DCPS: variants seen among roughly 807,000 people sequenced by gnomAD.
The protein encoded by DCPS is decapping enzyme, scavenger.
DCPS carries 27 observed loss-of-function variants against 34.7 expected under a neutral mutation model. That is an observed-to-expected ratio of 0.78 (90% confidence interval 0.57 to 1.07). DCPS has a LOEUF of 1.07. Ranked by LOEUF, DCPS falls within the 50% of genes least tolerant of loss-of-function variation. The pLI, the probability that DCPS is intolerant of heterozygous loss-of-function variation, is 0.00. For synonymous variants in DCPS, 185 were observed against 185.7 expected (o/e 1.00, Z 0.03); for missense variants, 464 against 436.9 (o/e 1.06, Z -0.55).
chr11:126,338,139 C>T lies in DCPS; in HGVS notation c.523-147C>T. On this transcript the variant is annotated intron_variant, in intron 3 of 5. Transcript: ENST00000263579. This position sits in a 1 kb window ranked among gnomAD's most constrained non-coding sequence, Gnocchi z 5.4. ...AACAGATGCTTGGGGACAGGGCAGC[C>T]CGGATGTAGATCCTCTGAGCGTGGC... 1 of 694,720 alleles carries T rather than the reference C, an allele frequency of 1.4e-6. No homozygotes were observed. The highest frequency in any genetic ancestry group is 1.8e-5 in the South Asian group (1 of 56,108). The allele number at this position is 694,720 out of a possible 1,614,324, so 43.0% of individuals were successfully genotyped here. A position where few individuals can be genotyped will look rare whatever the true frequency, so the allele number is the denominator to read the frequency against.
rs1253228355 is a variant in DCPS at position 126,336,116 on chromosome 11, A to G, written c.523-2170A>G. Among the ~76,000 whole-genome samples, 5 of 23,500 alleles carry G rather than the reference A, an allele frequency of 2.1e-4. No individual in the cohort carries two copies. The East Asian group carries it at 0.17, about 783-fold the overall frequency. 15.4% of individuals were successfully genotyped at this position (23,500 alleles called of 152,430 possible). A position where few individuals can be genotyped will look rare whatever the true frequency, so the allele number is the denominator to read the frequency against. On this transcript the variant is annotated intron_variant, in intron 3 of 5. Transcript: ENST00000263579. The surrounding 1 kb of genome is among the most constrained non-coding windows in gnomAD (Gnocchi z 6.3). Reference sequence around the variant, plus strand: ...GGGCGAAAGAGCAAGACTCCATCTCAAAAAAAAAAAAAAAAAAATGGCGAC... The same window carrying G: ...GGGCGAAAGAGCAAGACTCCATCTCGAAAAAAAAAAAAAAAAAATGGCGAC...
Position 126,332,688 on chromosome 11 carries a change from C to T in DCPS, c.522+1138C>T, listed in dbSNP as rs1207998832. ...TTGGGAGACCTGTGTGCCGCCAGCC[C>T]CCTTCCCCAGCCTGGTTCAGCCCTG... On this transcript the variant is annotated intron_variant, in intron 3 of 5. Coordinates refer to ENST00000263579, the MANE Select transcript of DCPS (RefSeq NM_014026.6). This position sits in a 1 kb window ranked among gnomAD's most constrained non-coding sequence, Gnocchi z 5.4. Among the ~76,000 whole-genome samples, 1 of 152,226 alleles carries T rather than the reference C, an allele frequency of 6.6e-6. No individual in the cohort carries two copies. Among genetic ancestry groups the T allele is most frequent in the Non-Finnish European group, 1.5e-5 (1 of 68,038 alleles).
rs528415708 is a variant in DCPS, at chr11:126,343,726, C to T, written c.747+309C>T. The stretch of plus-strand genomic sequence containing the variant: ...CCTCCTACTCCAGGATCACCTGTCT[C>T]TCTCATGACAACCATGACAACCACA... On this transcript the variant is annotated intron_variant, in intron 5 of 5. Transcript: ENST00000263579. Among the ~76,000 whole-genome samples, 10 of 152,296 alleles carry T rather than the reference C, an allele frequency of 6.6e-5. No individual in the cohort carries two copies. In the East Asian group the frequency reaches 1.7e-3, roughly 26 times the overall value.
rs183118492 is a variant in DCPS at position 126,333,193 on chromosome 11, A to G, written c.522+1643A>G. On this transcript the variant is annotated intron_variant, in intron 3 of 5. Coordinates refer to ENST00000263579, the MANE Select transcript of DCPS (RefSeq NM_014026.6). This position sits in a 1 kb window ranked among gnomAD's most constrained non-coding sequence, Gnocchi z 5.7. ...TATGCAGTTCCATTCGGAGAAGAGC[A>G]CAATGAAAACTCCACTACTCTTCCA... Among the ~76,000 whole-genome samples the G allele has an allele frequency of 1.6e-4, 24 of 152,332 alleles. No individual in the cohort carries two copies. In the East Asian group the frequency reaches 4.6e-3, roughly 29 times the overall value.
At position 126,315,838 on chromosome 11, in the gene DCPS, C is replaced by T. The variant is rs778453829; in HGVS notation, c.376+9094C>T. On this transcript the variant is annotated intron_variant, in intron 2 of 5. Transcript: ENST00000263579. The surrounding 1 kb of genome is among the most constrained non-coding windows in gnomAD (Gnocchi z 6.1). The stretch of plus-strand genomic sequence containing the variant: ...AAGCGATTCTCCTGCCTCAGCCTCC[C>T]GAGTAGCTGGGATTACGGGTGCCTG... Among the ~76,000 whole-genome samples, 10 of 151,990 alleles carry T rather than the reference C, an allele frequency of 6.6e-5. No individual in the cohort carries two copies. Among genetic ancestry groups the T allele is most frequent in the Admixed American group, 4.6e-4 (7 of 15,260 alleles).
chr11:126,349,334 C>T lies in DCPS; in HGVS notation c.*3721C>T, dbSNP rs373808162. 2.6e-5 allele frequency among the ~76,000 whole-genome samples: 4 copies of T among 152,354 alleles called. No homozygotes were observed. In the South Asian group the frequency reaches 8.3e-4, roughly 32 times the overall value. On this transcript the variant is annotated 3_prime_UTR_variant, in exon 6 of 6. Transcript: ENST00000263579. The surrounding 1 kb of genome is among the most constrained non-coding windows in gnomAD (Gnocchi z 5.4). ...TGGAGCAGTGGCAGATGTCACCCTT[C>T]CTAGATAAATCCTGGACGGCTCCAC...
At position 126,323,214 on chromosome 11, in the gene DCPS, T is replaced by G. The variant is rs1050962248; in HGVS notation, c.377-8191T>G. Among the ~76,000 whole-genome samples, 1 of 152,254 alleles carries G rather than the reference T, an allele frequency of 6.6e-6. No homozygotes were observed. The highest frequency in any genetic ancestry group is 1.5e-5 in the Non-Finnish European group (1 of 68,050). ...ATATATCTTGCTTGCACCATGTCTC[T>G]GGGCACAACTTGAGTTTGTGATTCA... On this transcript the variant is annotated intron_variant, in intron 2 of 5. Transcript: ENST00000263579. This position sits in a 1 kb window ranked among gnomAD's most constrained non-coding sequence, Gnocchi z 4.4.
At position 126,348,509 on chromosome 11, in the gene DCPS, C is replaced by T. The variant is rs1951957952; in HGVS notation, c.*2896C>T. 6.6e-6 allele frequency among the ~76,000 whole-genome samples: 1 copy of T among 152,256 alleles called. No homozygotes were observed. The highest frequency in any genetic ancestry group is 2.4e-5 in the African/African-American group (1 of 41,466). On this transcript the variant is annotated 3_prime_UTR_variant, in exon 6 of 6. Coordinates refer to ENST00000263579, the MANE Select transcript of DCPS (RefSeq NM_014026.6). This position sits in a 1 kb window ranked among gnomAD's most constrained non-coding sequence, Gnocchi z 5.3. ...CCGGCCACGGCCCCCATGCAGCTCC[C>T]TCCCTCAATCCAACCCTCTTTGGGC...
rs1425494560 is a variant in DCPS, at chr11:126,333,269, T to TCAGCTTAACTGGCAACTA, written c.522+1719_522+1720insCAGCTTAACTGGCAACTA. On this transcript the variant is annotated intron_variant, in intron 3 of 5. Transcript: ENST00000263579. This position sits in a 1 kb window ranked among gnomAD's most constrained non-coding sequence, Gnocchi z 5.7. ...TGTATTCCTTCTTGGCTATTTCTAG[T>TCAGCTTAACTGGCAACTA]TTACAAGCACTCAGCTTAACTGGCA... Among the ~76,000 whole-genome samples the TCAGCTTAACTGGCAACTA allele has an allele frequency of 7.9e-5, 12 of 152,316 alleles. No individual in the cohort carries two copies. Among genetic ancestry groups the TCAGCTTAACTGGCAACTA allele is most frequent in the Non-Finnish European group, 1.3e-4 (9 of 68,018 alleles).
chr11:126,329,688 G>A lies in DCPS; in HGVS notation c.377-1717G>A, dbSNP rs1325673656. 1.3e-5 allele frequency among the ~76,000 whole-genome samples: 2 copies of A among 152,190 alleles called. No individual in the cohort carries two copies. Among genetic ancestry groups the A allele is most frequent in the Non-Finnish European group, 2.9e-5 (2 of 68,038 alleles). ...TCAGTTCCAGGTTCGCCTCTGCCAC[G>A]TTTCACGGTGTGATACTGGATGACT... On this transcript the variant is annotated intron_variant, in intron 2 of 5. Transcript: ENST00000263579. The surrounding 1 kb of genome is among the most constrained non-coding windows in gnomAD (Gnocchi z 5.0).
At chr11:126,330,897 C>T (rs1257290900) in intron 2 of DCPS, among the ~76,000 whole-genome samples, 23 of 151,260 alleles carry the variant, frequency 1.5e-4, no homozygotes, top group Admixed American at 1.1e-3. Flanking sequence ...CCACCACGCC[C>T]GGTTAATTTT....
intron 2 of DCPS, among the ~76,000 whole-genome samples, chr11:126,321,884 GA>G (rs1951709005): frequency 6.6e-6 from 1 of 152,128 alleles, no homozygotes; most frequent in Non-Finnish European, 1.5e-5. Context: ...AAGAGTAGAA[GA>G]TGAAGTTGTG....
rs1036861772 is a variant in DCPS, at chr11:126,344,574, C to T, written c.748-773C>T. Among the ~76,000 whole-genome samples the T allele has an allele frequency of 6.6e-6, 1 of 152,208 alleles. No homozygotes were observed. The highest frequency in any genetic ancestry group is 1.5e-5 in the Non-Finnish European group (1 of 68,042). ...GCAGAACACAGTTCTGGGGTATATA[C>T]TGAGCCCACTGAGGCCCTAGTACTT... is the stretch of plus-strand genomic sequence containing the variant. On this transcript the variant is annotated intron_variant, in intron 5 of 5. Transcript: ENST00000263579. This position sits in a 1 kb window ranked among gnomAD's most constrained non-coding sequence, Gnocchi z 8.1.
chr11:126,304,097 C>G lies in DCPS; in HGVS notation c.17C>G (p.Pro6Arg), dbSNP rs147755159. Residue 6 changes from proline to arginine, a missense_variant, in exon 1 of 6, where the codon CCT becomes CGT. Physicochemically the swap from Pro to Arg is moderately radical, Grantham distance 103. Coordinates refer to ENST00000263579, the MANE Select transcript of DCPS (RefSeq NM_014026.6). MADAA[P>R]QLGKRKRELD... Reference sequence around the variant, plus strand: ...CGCGGCAGCATGGCGGACGCAGCTCCTCAACTAGGCAAGAGGAAGCGCGAA... The same window carrying G: ...CGCGGCAGCATGGCGGACGCAGCTCGTCAACTAGGCAAGAGGAAGCGCGAA... 7 of 1,609,070 alleles carry G rather than the reference C, an allele frequency of 4.4e-6. No individual in the cohort carries two copies. The African/African-American group carries it at 8.0e-5, about 18-fold the overall frequency.
chr11:126,329,058 T>C lies in DCPS; in HGVS notation c.377-2347T>C, dbSNP rs1951762174. 1.3e-5 allele frequency among the ~76,000 whole-genome samples: 2 copies of C among 152,192 alleles called. No homozygotes were observed. The highest frequency in any genetic ancestry group is 1.5e-5 in the Non-Finnish European group (1 of 67,988). On this transcript the variant is annotated intron_variant, in intron 2 of 5. Transcript: ENST00000263579. This position sits in a 1 kb window ranked among gnomAD's most constrained non-coding sequence, Gnocchi z 5.0. ...CTCATCCACCAAGCTCCACTGCAGATGTATGGATTTCCCTCAGGTCCACTG... is the reference window on the plus strand; with the variant it reads ...CTCATCCACCAAGCTCCACTGCAGACGTATGGATTTCCCTCAGGTCCACTG...
chr11:126,316,266 T>G (rs1951657889), intron 2 of DCPS, among the ~76,000 whole-genome samples: 1 of 152,082 alleles, frequency 6.6e-6, no homozygotes, highest in Admixed American at 6.6e-5. Context: ...CCAGGACAGC[T>G]TTGAATGCGG....
At chr11:126,343,523 G>A in intron 5 of DCPS, 106 bp downstream of exon 5, 1 of 972,690 alleles carries the variant, frequency 1.0e-6, no homozygotes, top group Non-Finnish European at 1.6e-6. Flanking sequence ...ATCTTGGAGA[G>A]ACTTCTCTCT....
Position 126,338,276 on chromosome 11 carries a change from C to G in DCPS, c.523-10C>G, listed in dbSNP as rs747350362. ...GGATTTGTGAACCATCTCTCTCCCC[C>G]TCCTTTCAGTGGGTGTATAACATTC... On this transcript the variant is annotated splice_polypyrimidine_tract_variant and intron_variant, in intron 3 of 5. Transcript: ENST00000263579. The surrounding 1 kb of genome is among the most constrained non-coding windows in gnomAD (Gnocchi z 5.4). 1.2e-5 allele frequency: 19 copies of G among 1,613,520 alleles called. No homozygotes were observed. The highest frequency in any genetic ancestry group is 1.6e-4 in the Middle Eastern group (1 of 6,082).
rs757027747 is a variant in DCPS, at chr11:126,345,493, G to C, written c.894G>C (p.Leu298=). Residue 298 remains leucine, a synonymous_variant, in exon 6 of 6, where the codon CTG becomes CTC. Transcript: ENST00000263579. This position sits in a 1 kb window ranked among gnomAD's most constrained non-coding sequence, Gnocchi z 7.4. The part of the protein sequence containing the change: ...PGSGVERAHL[L]AEVIENLECD... ...CAGGCGTGGAGCGGGCCCACCTGCT[G>C]GCTGAGGTGATCGAGAACTTGGAGT... 6 of 1,614,136 alleles carry C rather than the reference G, an allele frequency of 3.7e-6. No homozygotes were observed. Among genetic ancestry groups the C allele is most frequent in the Middle Eastern group, 1.6e-4 (1 of 6,062 alleles).
Sources: gnomAD v4.1 joint callset for allele counts (sites outside exome capture counted in the v4.1 genomes callset) on GRCh38, gnomAD v4.1.1 for gene constraint, Gnocchi (gnomAD v3.1) non-coding constraint, MANE v1.5 for transcripts, NCBI Gene and HGNC (gene_info 2026-07-23, HGNC 2026-07-21) for gene names.